SPEF2: variants seen among roughly 807,000 people sequenced by gnomAD.
SPEF2 encodes the protein sperm flagellar and cilia associated 2.
A neutral mutation model predicts 224.6 loss-of-function variants in SPEF2; 187 were observed. The observed-to-expected ratio is 0.83, with a 90% CI of 0.74 to 0.94. The LOEUF is 0.94. SPEF2 is among the 40% of genes least tolerant of loss of function. SPEF2 has a pLI of 0.00. For synonymous variants in SPEF2, 715 were observed against 707.3 expected, an observed-to-expected ratio of 1.01 and a Z score of -0.17; for missense variants, 2,170 against 2,135.6, an observed-to-expected ratio of 1.02 and a Z score of -0.32.
rs746810537 is a variant in SPEF2 at position 35,776,245 on chromosome 5, C to T, written c.4079-12C>T. On this transcript the variant is annotated splice_polypyrimidine_tract_variant and intron_variant, in intron 28 of 36. Transcript: ENST00000356031. ...AATATGTTAAAACATTCTTATTTCT[C>T]TTTGCAAATAGAAATAGCCACGCAA... 1.3e-6 allele frequency: 2 copies of T among 1,598,868 alleles called. No individual in the cohort carries two copies. The highest frequency in any genetic ancestry group is 2.2e-5 in the East Asian group (1 of 44,644).
rs965516048 is a variant in SPEF2 at position 35,755,436 on chromosome 5, A to G, written c.3468+1675A>G. Among the ~76,000 whole-genome samples the G allele has an allele frequency of 7.9e-5, 12 of 152,320 alleles. No individual in the cohort carries two copies. In the East Asian group the frequency reaches 1.9e-3, roughly 24 times the overall value. On this transcript the variant is annotated intron_variant, in intron 24 of 36. Coordinates refer to ENST00000356031, the MANE Select transcript of SPEF2 (RefSeq NM_024867.4). ...AGAGCAATACATACCTCCTTTGGAAATGGTATAGTACTCAATATTCCAACA... is the reference window on the plus strand; with the variant it reads ...AGAGCAATACATACCTCCTTTGGAAGTGGTATAGTACTCAATATTCCAACA...
chr5:35,656,341 T>A lies in SPEF2; in HGVS notation c.978+1615T>A, dbSNP rs528308361. ...GTGAAATTTATTCATGGATTCCACT[T>A]CTTTCTTAGTGAAAGTTCAGAAAAA... On this transcript the variant is annotated intron_variant, in intron 7 of 36. Transcript: ENST00000356031. Among the ~76,000 whole-genome samples the A allele has an allele frequency of 5.3e-5, 8 of 152,310 alleles. 1 individual carries two copies. Among genetic ancestry groups the A allele is most frequent in the African/African-American group, 1.9e-4 (8 of 41,564 alleles).
At chr5:35,803,858 G>T (rs1431881430) in intron 34 of SPEF2, among the ~76,000 whole-genome samples, 3 of 152,210 alleles carry the variant, frequency 2.0e-5, no homozygotes, top group Non-Finnish European at 4.4e-5. Context: ...TATTCATGCT[G>T]ATTTTATTCA....
chr5:35,700,584 TG>T lies in SPEF2; in HGVS notation c.2231del (p.Cys744SerfsTer41). On this transcript the variant is annotated frameshift_variant, in exon 16 of 37. Transcript: ENST00000356031. LOFTEE classifies it high-confidence loss of function. ...GCTTCTGGAAGAAGCTCTTACAGGC[TG>T]CAATAGAAACCTCACAGAAGTGGAA... ...AQLLEEALTG[C>X]NRNLTEVERK... The T allele has an allele frequency of 6.2e-7, 1 of 1,613,890 alleles. No homozygotes were observed. Among genetic ancestry groups the T allele is most frequent in the Non-Finnish European group, 8.5e-7 (1 of 1,179,956 alleles).
rs536258788 is a variant in SPEF2 at position 35,737,844 on chromosome 5, T to A, written c.3064-2075T>A. Among the ~76,000 whole-genome samples the A allele has an allele frequency of 2.0e-5, 3 of 152,268 alleles. No individual in the cohort carries two copies. The East Asian group carries it at 5.8e-4, about 29-fold the overall frequency. On this transcript the variant is annotated intron_variant, in intron 21 of 36. Coordinates refer to ENST00000356031, the MANE Select transcript of SPEF2 (RefSeq NM_024867.4). ...CAGTCCCACCAACAGTATAAAAGTG[T>A]TCCTATTTCTCCACATCCTCTCCAG...
At chr5:35,773,396 T>G (rs1753144708) in intron 27 of SPEF2, among the ~76,000 whole-genome samples, 1 of 152,050 alleles carries the variant, frequency 6.6e-6, no homozygotes. Context: ...ATAATCATAT[T>G]TAAAGAGATT....
chr5:35,643,391 G>A (rs1746876714), intron 3 of SPEF2: 1 of 423,842 alleles, frequency 2.4e-6, no homozygotes. Flanking sequence ...GGACTTTGGA[G>A]ATGAGGAAGA....
At position 35,776,412 on chromosome 5, in the gene SPEF2, C is replaced by T. The variant is rs552846113; in HGVS notation, c.4217+17C>T. The T allele has an allele frequency of 6.3e-7, 1 of 1,587,952 alleles. No individual in the cohort carries two copies. Among genetic ancestry groups the T allele is most frequent in the South Asian group, 1.2e-5 (1 of 86,248 alleles). Reference sequence around the variant, plus strand: ...AATGGCCAGGTAAAGTACTACATGACTTTCTGAAAATATGCTTTGTGTATT... The same window carrying T: ...AATGGCCAGGTAAAGTACTACATGATTTTCTGAAAATATGCTTTGTGTATT... On this transcript the variant is annotated intron_variant, in intron 29 of 36. Coordinates refer to ENST00000356031, the MANE Select transcript of SPEF2 (RefSeq NM_024867.4).
At position 35,659,087 on chromosome 5, in the gene SPEF2, C is replaced by G. The variant is rs762981973; in HGVS notation, c.1047C>G (p.Ala349=). The G allele has an allele frequency of 1.9e-6, 3 of 1,611,528 alleles. No homozygotes were observed. The highest frequency in any genetic ancestry group is 2.2e-5 in the South Asian group (2 of 90,736). Residue 349 remains alanine (A), a synonymous_variant, in exon 8 of 37, where the codon GCC becomes GCG. Coordinates refer to ENST00000356031, the MANE Select transcript of SPEF2 (RefSeq NM_024867.4). ...MRQSQQERRI[A]VQLMHVRHEK... is the part of the protein sequence containing the mutation. Reference sequence around the variant, plus strand: ...AGTCCCAGCAGGAGCGCAGGATTGCCGTGCAGCTCATGCATGTTCGGCATG... The same window carrying G: ...AGTCCCAGCAGGAGCGCAGGATTGCGGTGCAGCTCATGCATGTTCGGCATG...
intron 21 of SPEF2, among the ~76,000 whole-genome samples, chr5:35,734,890 T>G (rs979120538): frequency 6.6e-5 from 10 of 151,788 alleles, no homozygotes; most frequent in Non-Finnish European, 8.8e-5. Context: ...TTTTGTATTT[T>G]TAATAGAGAT....
chr5:35,697,761 G>A lies in SPEF2; in HGVS notation c.2109G>A (p.Val703=). The change falls in exon 15 of 37, where the codon GTG becomes GTA. Residue 703 remains valine (V), a synonymous_variant. Transcript: ENST00000356031. ...AGAAAGGAAAGAGCATTCCTGATGT[G>A]CTGCTTGTTGACATCATAGTAAATG... ...LLKKGKSIPD[V]LLVDIIVNAI... is the part of the protein sequence containing the mutation. The A allele has an allele frequency of 6.2e-7, 1 of 1,613,104 alleles. No homozygotes were observed. Among genetic ancestry groups the A allele is most frequent in the South Asian group, 1.1e-5 (1 of 91,026 alleles).
chr5:35,776,209 G>C (rs753991539), intron 28 of SPEF2, 48 bp from the exon 29 acceptor site: 1 of 1,560,354 alleles, frequency 6.4e-7, no homozygotes, highest in Non-Finnish European at 8.7e-7. Flanking sequence ...ATTAGTAAAT[G>C]CATGCACTGC....
chr5:35,710,082 A>G, intron 19 of SPEF2: 5 of 985,152 alleles, frequency 5.1e-6, no homozygotes, highest in Non-Finnish European at 6.0e-6. Context: ...ATTCTGCTCC[A>G]GGAAATTAGA....
Position 35,727,745 on chromosome 5 carries a change from A to T in SPEF2, c.2985A>T (p.Thr995=). ...VKKSPADSTD[T]SPVAIVPQPP... is the part of the protein sequence containing the mutation. ...AATCACCTGCTGACTCTACAGATACATCACCTGTTGCAATAGTGCCACAGC... is the reference window on the plus strand; with the variant it reads ...AATCACCTGCTGACTCTACAGATACTTCACCTGTTGCAATAGTGCCACAGC... Residue 995 remains threonine (T), a synonymous_variant, in exon 21 of 37, where the codon ACA becomes ACT. Transcript: ENST00000356031. The T allele has an allele frequency of 6.2e-7, 1 of 1,613,902 alleles. No individual in the cohort carries two copies. The highest frequency in any genetic ancestry group is 8.5e-7 in the Non-Finnish European group (1 of 1,179,782).
chr5:35,764,603 A>G (rs144874641), intron 26 of SPEF2: 2 of 456,218 alleles, frequency 4.4e-6, no homozygotes, highest in East Asian at 7.0e-5. Flanking sequence ...TCGAGTTTCC[A>G]TGAAATATCG....
chr5:35,644,647 C>A, intron 4 of SPEF2, 122 bp downstream of exon 4: 1 of 675,030 alleles, frequency 1.5e-6, no homozygotes, highest in Non-Finnish European at 2.3e-6. Flanking sequence ...TGATGCATGA[C>A]TTTGTCCTGC....
chr5:35,770,705 G>A (rs1161336758), intron 26 of SPEF2, among the ~76,000 whole-genome samples: 3 of 152,148 alleles, frequency 2.0e-5, no homozygotes, highest in Non-Finnish European at 4.4e-5. Context: ...TGCCTGAAGT[G>A]CAGAGCCAGC....
intron 28 of SPEF2, among the ~76,000 whole-genome samples, chr5:35,775,833 G>A (rs1753541231): frequency 6.6e-6 from 1 of 152,246 alleles, no homozygotes; most frequent in Admixed American, 6.5e-5. Context: ...TATGTGCCAG[G>A]ATCGGTAATA....
At chr5:35,718,690 A>T (rs1476817304) in intron 20 of SPEF2, among the ~76,000 whole-genome samples, 2 of 152,134 alleles carry the variant, frequency 1.3e-5, no homozygotes, top group Non-Finnish European at 2.9e-5. Context: ...AGTTTCCTAG[A>T]TATCATTTAT....
Sources: allele counts gnomAD v4.1 joint callset (sites outside exome capture counted in the v4.1 genomes callset), GRCh38; gene constraint gnomAD v4.1.1; transcripts MANE v1.5; gene names NCBI Gene and HGNC (gene_info 2026-07-23, HGNC 2026-07-21).